The following PDZRN3 variants were observed in gnomAD, a reference collection of about 807,000 sequenced individuals.
The protein encoded by PDZRN3 is E3 ubiquitin-protein ligase PDZRN3.
PDZRN3 carries 38 observed loss-of-function variants against 85.7 expected under a neutral mutation model. That is an observed-to-expected ratio of 0.44 (90% CI 0.34 to 0.58). PDZRN3 has a LOEUF of 0.58. Among genes scored for constraint, PDZRN3 ranks in the 20% least tolerant of loss-of-function variants. The pLI, the probability that PDZRN3 is intolerant of heterozygous loss-of-function variation, is 0.01. For synonymous variants in PDZRN3, 759 were observed against 638.0 expected (o/e 1.19, Z -2.86); for missense variants, 1,629 against 1,506.4 (o/e 1.08, Z -1.35).
At chr3:73,424,870 A>C (rs1293968367) in intron 3 of PDZRN3, among the ~76,000 whole-genome samples, 7 of 152,218 alleles carry the variant, frequency 4.6e-5, no homozygotes. Context: ...CTAAGAAGTC[A>C]GACAATACCA....
At chr3:73,592,579 C>T (rs1290154681) in intron 3 of PDZRN3, among the ~76,000 whole-genome samples, 2 of 152,234 alleles carry the variant, frequency 1.3e-5, no homozygotes, top group Non-Finnish European at 2.9e-5. Flanking sequence ...ATGCAGTTCA[C>T]GTGGTCATCA....
chr3:73,514,890 G>T (rs192862501), intron 3 of PDZRN3, among the ~76,000 whole-genome samples: 1 of 152,114 alleles, frequency 6.6e-6, no homozygotes, highest in Non-Finnish European at 1.5e-5. Context: ...ATTCTGTACC[G>T]GAGATATTAT....
chr3:73,567,442 G>C (rs1314720707), intron 3 of PDZRN3, among the ~76,000 whole-genome samples: 4 of 152,100 alleles, frequency 2.6e-5, no homozygotes, highest in Non-Finnish European at 5.9e-5. Context: ...CATGACCTGA[G>C]TTTCCAAAGT....
At chr3:73,504,372 T>C (rs1291732261) in intron 3 of PDZRN3, among the ~76,000 whole-genome samples, 1 of 152,214 alleles carries the variant, frequency 6.6e-6, no homozygotes, top group African/African-American at 2.4e-5. Flanking sequence ...TACTCAGCCC[T>C]TCTCAGGAGA....
intron 3 of PDZRN3, among the ~76,000 whole-genome samples, chr3:73,486,485 C>T (rs7626194): frequency 0.44 from 67,461 of 151,928 alleles, 16,421 homozygotes; most frequent in East Asian, 0.74. Flanking sequence ...AACAAAAAGC[C>T]ATGCATTTGT....
chr3:73,605,163 T>G (rs1393211962), intron 2 of PDZRN3, among the ~76,000 whole-genome samples: 3 of 149,564 alleles, frequency 2.0e-5, no homozygotes. Context: ...GCCAAGATTG[T>G]GCCGTTGCAC....
At chr3:73,554,281 G>A (rs906710998) in intron 3 of PDZRN3, among the ~76,000 whole-genome samples, 12 of 151,884 alleles carry the variant, frequency 7.9e-5, no homozygotes, top group South Asian at 2.1e-4. Context: ...ATTTCTCTGC[G>A]CCTCATTTTA....
chr3:73,606,502 A>G (rs1702601145), intron 2 of PDZRN3, among the ~76,000 whole-genome samples: 1 of 152,248 alleles, frequency 6.6e-6, no homozygotes, highest in Non-Finnish European at 1.5e-5. Flanking sequence ...AAATCAGAAC[A>G]GCACATGATG....
At chr3:73,621,243 C>T (rs1702856251) in intron 1 of PDZRN3, among the ~76,000 whole-genome samples, 2 of 152,170 alleles carry the variant, frequency 1.3e-5, no homozygotes, top group South Asian at 2.1e-4. Context: ...CTAACAAACC[C>T]TAAGCGTTCA....
intron 3 of PDZRN3, among the ~76,000 whole-genome samples, chr3:73,429,434 C>T (rs999154202): frequency 6.6e-6 from 1 of 152,102 alleles, no homozygotes; most frequent in African/African-American, 2.4e-5. Context: ...CGTGACCCAT[C>T]TGACTCTCAG....
At chr3:73,492,714 A>G (rs1703794016) in intron 3 of PDZRN3, among the ~76,000 whole-genome samples, 1 of 152,188 alleles carries the variant, frequency 6.6e-6, no homozygotes, top group African/African-American at 2.4e-5. Context: ...GCTGTTCCAT[A>G]GGCCTGTGGG....
intron 3 of PDZRN3, among the ~76,000 whole-genome samples, chr3:73,579,149 G>A (rs556845651): frequency 5.8e-4 from 89 of 152,208 alleles, no homozygotes; most frequent in African/African-American, 2.0e-3. Context: ...TAGGATTAGC[G>A]CCCTTTCAAA....
chr3:73,620,306 A>T (rs1702836044), intron 1 of PDZRN3, among the ~76,000 whole-genome samples: 1 of 152,336 alleles, frequency 6.6e-6, no homozygotes. Flanking sequence ...GATGTATCTC[A>T]AGTTTTTCAA....
At chr3:73,454,393 T>A (rs996603784) in intron 3 of PDZRN3, among the ~76,000 whole-genome samples, 3 of 152,102 alleles carry the variant, frequency 2.0e-5, no homozygotes, top group Non-Finnish European at 2.9e-5. Flanking sequence ...AACCCCCTCC[T>A]GAGCAGGGTG....
rs144749620 is a variant in PDZRN3 at position 73,491,438 on chromosome 3, T to C, written c.919-87043A>G. Reference sequence around the variant, plus strand: ...GGAGCCCATTTCAAGAAGATGCAAATTTATATTGCCAGTTAGGTTTTGCAT... The same window carrying C: ...GGAGCCCATTTCAAGAAGATGCAAACTTATATTGCCAGTTAGGTTTTGCAT... On this transcript the variant is annotated intron_variant, in intron 3 of 9. Transcript: ENST00000263666. 5.6e-3 allele frequency among the ~76,000 whole-genome samples: 858 copies of C among 152,144 alleles called. 9 individuals carry two copies. The highest frequency in any genetic ancestry group is 0.019 in the African/African-American group (768 of 41,500).
intron 3 of PDZRN3, among the ~76,000 whole-genome samples, chr3:73,506,127 A>G (rs1023683805): frequency 6.6e-6 from 1 of 152,238 alleles, no homozygotes; most frequent in Non-Finnish European, 1.5e-5. Context: ...TACACAAGAT[A>G]TCCTCAGAAC....
intron 1 of PDZRN3, among the ~76,000 whole-genome samples, chr3:73,611,649 T>C (rs545521573): frequency 1.3e-5 from 2 of 152,332 alleles, no homozygotes; most frequent in African/African-American, 4.8e-5. Flanking sequence ...CTGGGCTGAA[T>C]TCCTTTCATT....
chr3:73,589,280 C>A (rs1702320879), intron 3 of PDZRN3, among the ~76,000 whole-genome samples: 1 of 152,150 alleles, frequency 6.6e-6, no homozygotes, highest in South Asian at 2.1e-4. Flanking sequence ...TCTCATCTAT[C>A]TCTACTATTT....
At chr3:73,570,881 T>C (rs1045986696) in intron 3 of PDZRN3, among the ~76,000 whole-genome samples, 9 of 152,172 alleles carry the variant, frequency 5.9e-5, no homozygotes, top group Non-Finnish European at 1.2e-4. Flanking sequence ...AGGTATTAGT[T>C]TTATTCTTGC....
Sources: gnomAD v4.1 joint callset for allele counts (sites outside exome capture counted in the v4.1 genomes callset) on GRCh38, gnomAD v4.1.1 for gene constraint, MANE v1.5 for transcripts, NCBI Gene and HGNC (gene_info 2026-07-23, HGNC 2026-07-21) for gene names.